The following FRMD4B variants were observed in gnomAD, a reference collection of about 807,000 sequenced individuals.
FRMD4B encodes FERM domain-containing protein 4B.
Under a neutral mutation model 141.5 loss-of-function variants are expected in FRMD4B, and 74 were observed. The observed-to-expected ratio is 0.52, with a 90% CI of 0.43 to 0.63. The LOEUF is 0.63. Among genes scored for constraint, FRMD4B ranks in the 30% least tolerant of loss-of-function variants. FRMD4B has a pLI of 0.00. For synonymous variants in FRMD4B, 506 were observed against 467.9 expected, an observed-to-expected ratio of 1.08 and a Z score of -1.05; for missense variants, 1,366 against 1,253.4, an observed-to-expected ratio of 1.09 and a Z score of -1.36.
At chr3:69,440,620 C>T (rs547559696) in intron 1 of FRMD4B, among the ~76,000 whole-genome samples, 5 of 152,226 alleles carry the variant, frequency 3.3e-5, no homozygotes, top group East Asian at 1.9e-4. Context: ...GCCTGGCCAA[C>T]GTGGGGAAAA....
intron 1 of FRMD4B, among the ~76,000 whole-genome samples, chr3:69,373,709 A>G (rs1703891979): frequency 6.6e-6 from 1 of 152,138 alleles, no homozygotes; most frequent in Non-Finnish European, 1.5e-5. Context: ...CATCTAAAAA[A>G]TAAAAAAATA....
intron 1 of FRMD4B, among the ~76,000 whole-genome samples, chr3:69,518,764 C>T (rs1009088352): frequency 6.6e-6 from 1 of 152,160 alleles, no homozygotes; most frequent in East Asian, 1.9e-4. Context: ...GGACTGAGCC[C>T]TGTGCAAGCC....
At chr3:69,197,173 G>A in intron 12 of FRMD4B, 135 bp from the exon 13 acceptor site, 1 of 571,750 alleles carries the variant, frequency 1.7e-6, no homozygotes, top group East Asian at 3.0e-5. Flanking sequence ...ACGCAAATGG[G>A]GACCAAGTTT....
intron 9 of FRMD4B, among the ~76,000 whole-genome samples, chr3:69,220,812 T>A (rs1172376897): frequency 6.6e-6 from 1 of 152,056 alleles, no homozygotes; most frequent in Non-Finnish European, 1.5e-5. Flanking sequence ...TGAGATTGCA[T>A]CACGGCACTC....
At chr3:69,496,621 G>GAGAGAGAGAGAGAC (rs1559545557) in intron 1 of FRMD4B, among the ~76,000 whole-genome samples, 2 of 116,418 alleles carry the variant, frequency 1.7e-5, no homozygotes, top group Non-Finnish European at 3.6e-5. Context: ...GTGAGAGAGA[G>GAGAGAGAGAGAGAC]AGAGAGAGAG....
intron 5 of FRMD4B, among the ~76,000 whole-genome samples, chr3:69,267,670 G>C (rs1422473644): frequency 7.4e-6 from 1 of 136,024 alleles, no homozygotes; most frequent in African/African-American, 2.7e-5. Flanking sequence ...GAGAGAGAGA[G>C]AGAGAGAGAG....
chr3:69,361,465 C>A (rs1703468414), intron 1 of FRMD4B, among the ~76,000 whole-genome samples: 1 of 152,078 alleles, frequency 6.6e-6, no homozygotes, highest in Non-Finnish European at 1.5e-5. Flanking sequence ...ACATCCCCCC[C>A]AAGATATAAA....
At chr3:69,439,779 G>C (rs1007894993) in intron 1 of FRMD4B, among the ~76,000 whole-genome samples, 1 of 152,054 alleles carries the variant, frequency 6.6e-6, no homozygotes, top group African/African-American at 2.4e-5. Context: ...CTATTGTGAC[G>C]GGCATAAAAT....
chr3:69,181,494 G>A lies in FRMD4B; in HGVS notation c.2256C>T (p.Thr752=). ...TGGTGCGAGTGTCCAGGGTCTGGGT[G>A]GTGTAATAGGGGCCGGTAACTGGTG... ...CVTPVTGPYY[T]TQTLDTRTRG... is the part of the protein sequence containing the mutation. Residue 752 remains threonine (T), a synonymous_variant, in exon 21 of 23, where the codon ACC becomes ACT. Coordinates refer to ENST00000398540, the MANE Select transcript of FRMD4B (RefSeq NM_015123.3). 6.2e-7 allele frequency: 1 copy of A among 1,613,766 alleles called. No homozygotes were observed. Among genetic ancestry groups the A allele is most frequent in the Non-Finnish European group, 8.5e-7 (1 of 1,179,686 alleles).
chr3:69,193,188 C>T (rs1406322840), intron 17 of FRMD4B, among the ~76,000 whole-genome samples: 1 of 152,134 alleles, frequency 6.6e-6, no homozygotes, highest in Non-Finnish European at 1.5e-5. Context: ...ACTTATAAAA[C>T]TGAAATTCCA....
intron 10 of FRMD4B, 43 bp from the exon 11 acceptor site, chr3:69,216,392 C>T (rs2093141432): frequency 4.5e-6 from 4 of 881,866 alleles, no homozygotes; most frequent in Non-Finnish European, 7.4e-6. Context: ...TAGCTGTTAA[C>T]TCTTCTAGAA....
intron 1 of FRMD4B, among the ~76,000 whole-genome samples, chr3:69,438,018 C>G (rs935446904): frequency 7.6e-6 from 1 of 131,916 alleles, no homozygotes; most frequent in Non-Finnish European, 1.6e-5. Context: ...GTTATATATA[C>G]TACTATATTA....
intron 1 of FRMD4B, among the ~76,000 whole-genome samples, chr3:69,450,985 T>A (rs978468772): frequency 6.6e-6 from 1 of 152,174 alleles, no homozygotes; most frequent in African/African-American, 2.4e-5. Context: ...ACAACCCAGC[T>A]AATATCTCGA....
intron 4 of FRMD4B, among the ~76,000 whole-genome samples, chr3:69,294,599 G>A (rs1700980247): frequency 6.6e-6 from 1 of 152,212 alleles, no homozygotes; most frequent in Admixed American, 6.5e-5. Context: ...TGGTAAGCCT[G>A]TAGAAACCTG....
chr3:69,345,537 C>T (rs894754953), intron 1 of FRMD4B, among the ~76,000 whole-genome samples: 1 of 152,200 alleles, frequency 6.6e-6, no homozygotes, highest in Non-Finnish European at 1.5e-5. Context: ...AGACTGCCTC[C>T]TCAAGTGGGT....
At chr3:69,206,465 C>T (rs556347656) in intron 11 of FRMD4B, among the ~76,000 whole-genome samples, 4 of 152,274 alleles carry the variant, frequency 2.6e-5, no homozygotes, top group South Asian at 4.1e-4. Flanking sequence ...AAATGTATAA[C>T]GTAAAAACGA....
rs180825503 is a variant in FRMD4B at position 69,195,812 on chromosome 3, A to C, written c.1234+443T>G. On this transcript the variant is annotated intron_variant, in intron 14 of 22. Transcript: ENST00000398540. Reference sequence around the variant, plus strand: ...TTTAGATGGGACGAATCATTTTAGTAAAGTTACATATACTTAATGATAAGG... The same window carrying C: ...TTTAGATGGGACGAATCATTTTAGTCAAGTTACATATACTTAATGATAAGG... Among the ~76,000 whole-genome samples, 26 of 152,348 alleles carry C rather than the reference A, an allele frequency of 1.7e-4. No homozygotes were observed. The East Asian group carries it at 5.0e-3, about 29-fold the overall frequency.
intron 1 of FRMD4B, among the ~76,000 whole-genome samples, chr3:69,489,601 G>A (rs1706271543): frequency 6.6e-6 from 1 of 152,180 alleles, no homozygotes; most frequent in Non-Finnish European, 1.5e-5. Flanking sequence ...TGGCAAAGAG[G>A]TGGAAAGAAA....
intron 5 of FRMD4B, among the ~76,000 whole-genome samples, chr3:69,267,591 G>A (rs71625004): frequency 2.6e-4 from 26 of 98,142 alleles, no homozygotes; most frequent in African/African-American, 6.6e-4. Flanking sequence ...GTGTGTGTGT[G>A]TGTGTATATA....
Sources: allele counts gnomAD v4.1 joint callset (sites outside exome capture counted in the v4.1 genomes callset), GRCh38; gene constraint gnomAD v4.1.1; transcripts MANE v1.5; gene names NCBI Gene and HGNC (gene_info 2026-07-23, HGNC 2026-07-21).